SYDE1: variants seen among roughly 807,000 people sequenced by gnomAD.
SYDE1 encodes synapse defective Rho GTPase activating protein 1.
A neutral mutation model predicts 63.3 loss-of-function variants in SYDE1; 34 were observed. The ratio of observed to expected loss-of-function variants is 0.54; its 90% CI spans 0.41 to 0.71. SYDE1 has a LOEUF of 0.71. SYDE1 is among the 30% of genes least tolerant of loss of function. The pLI is 0.00. For missense variants in SYDE1, 925 were observed against 1,042.5 expected (o/e 0.89, Z 1.55); for synonymous variants, 467 against 473.4 (o/e 0.99, Z 0.18).
chr19:15,112,897 T>G (rs1178488417), intron 7 of SYDE1, among the ~76,000 whole-genome samples: 1 of 152,092 alleles, frequency 6.6e-6, no homozygotes, highest in Non-Finnish European at 1.5e-5. Flanking sequence ...TGATTCATCT[T>G]TTTATTTTTA....
In SYDE1 at chr19:15,109,565, C is replaced by T; in HGVS notation, c.431-139C>T. On this transcript the variant is annotated intron_variant, in intron 2 of 7. Coordinates refer to ENST00000342784, the MANE Select transcript of SYDE1 (RefSeq NM_033025.6). This position sits in a 1 kb window ranked among gnomAD's most constrained non-coding sequence, Gnocchi z 5.0. ...CACATCCCCACCCCGTCAGATGCTC[C>T]CAGAGGAGCATCAGCCTCACACCCT... 1 of 965,506 alleles carries T rather than the reference C, an allele frequency of 1.0e-6. No homozygotes were observed. Among genetic ancestry groups the T allele is most frequent in the South Asian group, 1.7e-5 (1 of 57,756 alleles). 59.8% of individuals were successfully genotyped at this position (965,506 alleles called of 1,614,324 possible).
At chr19:15,107,554 C>T (rs1209266688) in intron 1 of SYDE1, 33 bp downstream of exon 1, 1 of 1,493,914 alleles carries the variant, frequency 6.7e-7, no homozygotes, top group African/African-American at 1.4e-5. Flanking sequence ...CAGGGGGCGC[C>T]GAGCCCCACC....
In SYDE1 at chr19:15,110,744, C is replaced by T. The variant is rs1209954089; in HGVS notation, c.1290+9C>T. Reference sequence around the variant, plus strand: ...AGCGCCGAGGGCTGCGGGTGAGCACCCACCCCACCCCAACCCTCTGGCCCC... The same window carrying T: ...AGCGCCGAGGGCTGCGGGTGAGCACTCACCCCACCCCAACCCTCTGGCCCC... On this transcript the variant is annotated intron_variant, in intron 4 of 7. Transcript: ENST00000342784. This position sits in a 1 kb window ranked among gnomAD's most constrained non-coding sequence, Gnocchi z 6.9. 4.6e-6 allele frequency: 7 copies of T among 1,528,580 alleles called. No individual in the cohort carries two copies. In the Admixed American group the frequency reaches 1.2e-4, roughly 26 times the overall value. 94.7% of individuals were successfully genotyped at this position (1,528,580 alleles called of 1,614,324 possible). A position where few individuals can be genotyped will look rare whatever the true frequency, so the allele number is the denominator to read the frequency against.
Position 15,108,889 on chromosome 19 carries a change from A to G in SYDE1, c.89-167A>G, listed in dbSNP as rs1444959223. 1.8e-6 allele frequency: 2 copies of G among 1,120,322 alleles called. No individual in the cohort carries two copies. Among genetic ancestry groups the G allele is most frequent in the African/African-American group, 3.2e-5 (2 of 62,816 alleles). 69.4% of individuals were successfully genotyped at this position (1,120,322 alleles called of 1,614,324 possible). On this transcript the variant is annotated intron_variant, in intron 1 of 7. Transcript: ENST00000342784. This position sits in a 1 kb window ranked among gnomAD's most constrained non-coding sequence, Gnocchi z 4.3. Reference sequence around the variant, plus strand: ...CTCTAAGCTGATAACTGAGATCGCTAGCCTGTGGCTGCCTATTCCAAACAA... The same window carrying G: ...CTCTAAGCTGATAACTGAGATCGCTGGCCTGTGGCTGCCTATTCCAAACAA...
Position 15,109,074 on chromosome 19 carries a change from C to T in SYDE1, c.107C>T (p.Pro36Leu). The change falls in exon 2 of 8, where the codon CCA becomes CTA. Residue 36 changes from proline (P) to leucine (L), a missense_variant. Physicochemically the swap from Pro to Leu is moderately conservative, Grantham distance 98 (BLOSUM62 -3). This residue lies in a region of SYDE1 where 599 missense variants were observed against 653.7 expected (regional missense o/e 0.92). Transcript: ENST00000342784. This position sits in a 1 kb window ranked among gnomAD's most constrained non-coding sequence, Gnocchi z 5.0. Reference sequence around the variant, plus strand: ...CTGCCAGGCCACCCAGCCCAGCGCCCAGAGCCCAGCCCTCCAGAGCCAGAG... The same window carrying T: ...CTGCCAGGCCACCCAGCCCAGCGCCTAGAGCCCAGCCCTCCAGAGCCAGAG... ...AKERGHPAQR[P>L]EPSPPEPEPQ... 6.6e-7 allele frequency: 1 copy of T among 1,511,760 alleles called. No homozygotes were observed. Among genetic ancestry groups the T allele is most frequent in the African/African-American group, 1.4e-5 (1 of 71,654 alleles). The allele number at this position is 1,511,760 out of a possible 1,614,324, so 93.6% of individuals were successfully genotyped here.
In SYDE1 at chr19:15,111,683, C is replaced by T; in HGVS notation, c.1469C>T (p.Pro490Leu). ...RELPTPLITQ[P>L]LYKVVLEAMA... Reference sequence around the variant, plus strand: ...TTGCCCACCCCACTCATCACCCAGCCCCTGTATAAGGTGGTACTGGAGGCC... The same window carrying T: ...TTGCCCACCCCACTCATCACCCAGCTCCTGTATAAGGTGGTACTGGAGGCC... Residue 490 changes from proline to leucine, a missense_variant, in exon 6 of 8, where the codon CCC (proline) becomes CTC (leucine). Pro to Leu is a moderately conservative substitution (Grantham distance 98, BLOSUM62 -3). Coordinates refer to ENST00000342784, the MANE Select transcript of SYDE1 (RefSeq NM_033025.6). The surrounding 1 kb of genome is among the most constrained non-coding windows in gnomAD (Gnocchi z 5.5). 6.2e-7 allele frequency: 1 copy of T among 1,613,738 alleles called. No individual in the cohort carries two copies.
At position 15,109,558 on chromosome 19, in the gene SYDE1, G is replaced by A; in HGVS notation, c.431-146G>A. The A allele has an allele frequency of 2.1e-6, 2 of 967,988 alleles. No individual in the cohort carries two copies. Among genetic ancestry groups the A allele is most frequent in the Non-Finnish European group, 3.0e-6 (2 of 673,612 alleles). 60.0% of individuals were successfully genotyped at this position (967,988 alleles called of 1,614,324 possible). ...CCAGCCTCACATCCCCACCCCGTCA[G>A]ATGCTCCCAGAGGAGCATCAGCCTC... is the stretch of plus-strand genomic sequence containing the variant. On this transcript the variant is annotated intron_variant, in intron 2 of 7. Transcript: ENST00000342784. The surrounding 1 kb of genome is among the most constrained non-coding windows in gnomAD (Gnocchi z 5.0).
Position 15,111,611 on chromosome 19 carries a change from G to A in SYDE1, c.1418-21G>A, listed in dbSNP as rs181180550. On this transcript the variant is annotated intron_variant, in intron 5 of 7. Transcript: ENST00000342784. This position sits in a 1 kb window ranked among gnomAD's most constrained non-coding sequence, Gnocchi z 5.5. ...TTAGAAGCCAGTGGTGCCCTGACCA[G>A]AGGGGACCCTGTGTTCACAGGCATC... 6.2e-7 allele frequency: 1 copy of A among 1,613,432 alleles called. No homozygotes were observed. The highest frequency in any genetic ancestry group is 1.3e-5 in the African/African-American group (1 of 75,022).
intron 1 of SYDE1, 55 bp downstream of exon 1, chr19:15,107,576 CG>C: frequency 7.4e-7 from 1 of 1,350,228 alleles, no homozygotes; most frequent in Non-Finnish European, 1.0e-6. Flanking sequence ...GGCCTGGGAG[CG>C]GGGTCCCAGG....
chr19:15,110,374 AG>A lies in SYDE1; in HGVS notation c.1075+30del. The A allele has an allele frequency of 1.4e-6, 2 of 1,435,190 alleles. No homozygotes were observed. The highest frequency in any genetic ancestry group is 1.8e-6 in the Non-Finnish European group (2 of 1,095,790). The allele number at this position is 1,435,190 out of a possible 1,614,324, so 88.9% of individuals were successfully genotyped here. ...GTAGGACATGCGGCTGCAGGGGAGG[AG>A]GGGCAGGGACCCCCAAACCCCACCG... On this transcript the variant is annotated intron_variant, in intron 3 of 7. Transcript: ENST00000342784. This position sits in a 1 kb window ranked among gnomAD's most constrained non-coding sequence, Gnocchi z 6.9.
chr19:15,111,756 C>T lies in SYDE1; in HGVS notation c.1542C>T (p.Thr514=). ...GAGTTCCCCCCACCACTGAGGGCAC[C>T]CGAGGGCTCCTCAGCTGCCTGCCAG... ...PNRVPPTTEG[T]RGLLSCLPDV... Residue 514 remains threonine, a synonymous_variant, in exon 6 of 8, where the codon ACC becomes ACT. Transcript: ENST00000342784. The surrounding 1 kb of genome is among the most constrained non-coding windows in gnomAD (Gnocchi z 5.5). The T allele has an allele frequency of 6.2e-7, 1 of 1,603,318 alleles. No individual in the cohort carries two copies. Among genetic ancestry groups the T allele is most frequent in the Non-Finnish European group, 8.5e-7 (1 of 1,175,160 alleles).
chr19:15,111,178 T>C lies in SYDE1; in HGVS notation c.1291-135T>C, dbSNP rs2046343470. On this transcript the variant is annotated intron_variant, in intron 4 of 7. Transcript: ENST00000342784. This position sits in a 1 kb window ranked among gnomAD's most constrained non-coding sequence, Gnocchi z 5.5. The stretch of plus-strand genomic sequence containing the variant: ...AAGCAGAGGGTTTACAAGGCCAGGT[T>C]GTCAAGGTAGTTCCAACCTCCCAGC... 2.2e-6 allele frequency: 2 copies of C among 916,998 alleles called. 1 individual carries two copies. Among genetic ancestry groups the C allele is most frequent in the Non-Finnish European group, 3.4e-6 (2 of 596,396 alleles). 56.8% of individuals were successfully genotyped at this position (916,998 alleles called of 1,614,324 possible). A position where few individuals can be genotyped will look rare whatever the true frequency, so the allele number is the denominator to read the frequency against.
Position 15,112,502 on chromosome 19 carries a change from G to GGCCTT in SYDE1, c.1739_1743dup (p.Ser582LeufsTer55). ...GCCTCGTGCCCGCAGCTCCGGCCCA[G>GGCCTT]GCCTTGCCAGTGCAGTGGACTTCAA... is the stretch of plus-strand genomic sequence containing the variant. On this transcript the variant is annotated frameshift_variant, in exon 7 of 8. Transcript: ENST00000342784. LOFTEE classifies it high-confidence loss of function. 6.2e-7 allele frequency: 1 copy of GGCCTT among 1,606,922 alleles called. No homozygotes were observed. The highest frequency in any genetic ancestry group is 8.5e-7 in the Non-Finnish European group (1 of 1,177,020).
In SYDE1 at chr19:15,110,299, G is replaced by T; in HGVS notation, c.1026G>T (p.Arg342Ser). 1 of 1,420,728 alleles carries T rather than the reference G, an allele frequency of 7.0e-7. No homozygotes were observed. Among genetic ancestry groups the T allele is most frequent in the Non-Finnish European group, 9.2e-7 (1 of 1,089,302 alleles). The allele number at this position is 1,420,728 out of a possible 1,614,324, so 88.0% of individuals were successfully genotyped here. A position where few individuals can be genotyped will look rare whatever the true frequency, so the allele number is the denominator to read the frequency against. The stretch of plus-strand genomic sequence containing the variant: ...TTGCGTGGGACCCTGGCGTGAGAAG[G>T]CACCGGCCCTGTGCCCAGGGCACCG... ...LVLAWDPGVR[R>S]HRPCAQGTVL... The change falls in exon 3 of 8, where the codon AGG becomes AGT. Residue 342 changes from arginine to serine, a missense_variant. Transcript: ENST00000342784. This position sits in a 1 kb window ranked among gnomAD's most constrained non-coding sequence, Gnocchi z 6.9.
intron 1 of SYDE1, among the ~76,000 whole-genome samples, chr19:15,107,850 G>A (rs1314925028): frequency 6.6e-6 from 1 of 152,046 alleles, no homozygotes; most frequent in South Asian, 2.1e-4. Context: ...CTGGGAGGCC[G>A]GGACACTGGG....
Position 15,111,357 on chromosome 19 carries a change from A to C in SYDE1, c.1335A>C (p.Lys445Asn), listed in dbSNP as rs1217276536. 6 of 1,613,996 alleles carry C rather than the reference A, an allele frequency of 3.7e-6. No homozygotes were observed. Among genetic ancestry groups the C allele is most frequent in the South Asian group, 1.1e-5 (1 of 91,088 alleles). ...YRLCGSAAVK[K>N]ELRDAFERDS... ...TTTGTGGCTCAGCGGCAGTGAAGAA[A>C]GAGCTTCGGGATGCCTTTGAGCGGG... is the stretch of plus-strand genomic sequence containing the variant. Residue 445 changes from lysine to asparagine, a missense_variant, in exon 5 of 8, where the codon AAA (lysine) becomes AAC (asparagine). Physicochemically the swap from Lys to Asn is moderately conservative, Grantham distance 94. Transcript: ENST00000342784. This position sits in a 1 kb window ranked among gnomAD's most constrained non-coding sequence, Gnocchi z 5.5.
rs1278811829 is a variant in SYDE1 at position 15,109,349 on chromosome 19, C to A, written c.382C>A (p.Pro128Thr). The A allele has an allele frequency of 1.3e-6, 2 of 1,595,344 alleles. No individual in the cohort carries two copies. Among genetic ancestry groups the A allele is most frequent in the South Asian group, 1.1e-5 (1 of 89,114 alleles). ...EDPRPPAPEP[P>T]GPQPGSAESE... ...CCCCAGACCTCCAGCACCTGAGCCC[C>A]CGGGGCCACAGCCTGGCTCAGCTGA... Residue 128 changes from proline to threonine, a missense_variant, in exon 2 of 8, where the codon CCG becomes ACG. Pro to Thr is a conservative substitution (Grantham distance 38). Around this residue, in one of 3 missense-constraint regions of SYDE1, gnomAD observed 599 missense variants for 653.7 expected, o/e 0.92. Coordinates refer to ENST00000342784, the MANE Select transcript of SYDE1 (RefSeq NM_033025.6). The surrounding 1 kb of genome is among the most constrained non-coding windows in gnomAD (Gnocchi z 5.0).
Position 15,111,552 on chromosome 19 carries a change from C to T in SYDE1, c.1418-80C>T, listed in dbSNP as rs1425705027. On this transcript the variant is annotated intron_variant, in intron 5 of 7. Transcript: ENST00000342784. The surrounding 1 kb of genome is among the most constrained non-coding windows in gnomAD (Gnocchi z 5.5). ...CCTATCTGACCTTGCTTTCACCCAC[C>T]TCCTCTTCCCCCTTAGCTGTGCCCT... is the stretch of plus-strand genomic sequence containing the variant. 6 of 1,597,896 alleles carry T rather than the reference C, an allele frequency of 3.8e-6. No homozygotes were observed. The highest frequency in any genetic ancestry group is 1.7e-5 in the Admixed American group (1 of 59,308).
At chr19:15,112,299 C>G in intron 6 of SYDE1, 47 bp from the exon 7 acceptor site, 1 of 1,385,672 alleles carries the variant, frequency 7.2e-7, no homozygotes, top group South Asian at 1.3e-5. Flanking sequence ...GTAGGTGCCA[C>G]AGGGGCCTGA....
Sources: gnomAD v4.1 joint callset for allele counts (sites outside exome capture counted in the v4.1 genomes callset) on GRCh38, gnomAD v4.1.1 for gene constraint, gnomAD v4.1.1 regional missense constraint, Gnocchi (gnomAD v3.1) non-coding constraint, MANE v1.5 for transcripts, NCBI Gene and HGNC (gene_info 2026-07-23, HGNC 2026-07-21) for gene names.